Variants in LAMA2 observed in about 807,000 individuals in gnomAD.
The protein encoded by LAMA2 is laminin subunit alpha-2.
A neutral mutation model predicts 364.8 loss-of-function variants in LAMA2; 269 were observed. That is an observed-to-expected ratio of 0.74 (90% confidence interval 0.67 to 0.82). LAMA2 has a LOEUF of 0.82. Ranked by LOEUF, LAMA2 falls within the 40% of genes least tolerant of loss-of-function variation. The pLI is 0.00. For synonymous variants in LAMA2, 1,379 were observed against 1,370.6 expected (o/e 1.01, Z -0.14); for missense variants, 3,807 against 3,873.2 (o/e 0.98, Z 0.45).
chr6:129,162,927 T>C (rs1779526529), intron 8 of LAMA2, among the ~76,000 whole-genome samples: 1 of 150,932 alleles, frequency 6.6e-6, no homozygotes, highest in Non-Finnish European at 1.5e-5. Flanking sequence ...ATGAAGAGAG[T>C]CTTTATATGG....
chr6:129,408,949 T>G (rs1440771710), intron 40 of LAMA2, among the ~76,000 whole-genome samples: 4 of 152,152 alleles, frequency 2.6e-5, no homozygotes, highest in Non-Finnish European at 5.9e-5. Flanking sequence ...ATCTTCACAG[T>G]TTTTGACCAC....
chr6:129,371,661 C>T (rs1778090729), intron 34 of LAMA2, among the ~76,000 whole-genome samples: 1 of 146,590 alleles, frequency 6.8e-6, no homozygotes, highest in South Asian at 2.2e-4. Flanking sequence ...GGCTGGAGTG[C>T]AGTGGTGCGA....
intron 1 of LAMA2, among the ~76,000 whole-genome samples, chr6:128,947,307 G>A (rs1253532248): frequency 6.6e-6 from 1 of 152,104 alleles, no homozygotes; most frequent in Non-Finnish European, 1.5e-5. Context: ...AACGTTTTCC[G>A]TTTTTAAGAC....
rs150222048 is a variant in LAMA2 at position 129,140,250 on chromosome 6, T to C, written c.640-3651T>C. 3.2e-3 allele frequency among the ~76,000 whole-genome samples: 489 copies of C among 152,246 alleles called. 2 individuals carry two copies. Among genetic ancestry groups the C allele is most frequent in the African/African-American group, 0.011 (467 of 41,564 alleles). On this transcript the variant is annotated intron_variant, in intron 4 of 64. Transcript: ENST00000421865. Reference sequence around the variant, plus strand: ...TAATCTGTAAAGCAAACATGATTTATATAGTATGCTTACATTAGTAAATCA... The same window carrying C: ...TAATCTGTAAAGCAAACATGATTTACATAGTATGCTTACATTAGTAAATCA...
intron 32 of LAMA2, among the ~76,000 whole-genome samples, chr6:129,360,291 T>C (rs538040949): frequency 6.6e-5 from 10 of 152,192 alleles, no homozygotes; most frequent in Non-Finnish European, 1.5e-4. Context: ...TTCCCTATGA[T>C]AGTAAATTAC....
At chr6:128,929,415 CT>C in intron 1 of LAMA2, 1 of 868,464 alleles carries the variant, frequency 1.2e-6, no homozygotes, top group Non-Finnish European at 2.0e-6. Context: ...ACACCTCCAT[CT>C]TTGAGTAGCT....
intron 20 of LAMA2, among the ~76,000 whole-genome samples, chr6:129,296,027 A>G (rs1773160144): frequency 6.6e-6 from 1 of 151,814 alleles, no homozygotes. Flanking sequence ...ATATAGTTTC[A>G]TATTTTTGTT....
chr6:129,280,288 G>A (rs1788633696), intron 18 of LAMA2, 141 bp downstream of exon 18: 3 of 680,346 alleles, frequency 4.4e-6, no homozygotes, highest in Admixed American at 2.3e-5. Context: ...CAACGCACTT[G>A]TCAAACAAAT....
intron 4 of LAMA2, among the ~76,000 whole-genome samples, chr6:129,131,058 A>G (rs1562263319): frequency 6.6e-6 from 1 of 152,242 alleles, no homozygotes; most frequent in Non-Finnish European, 1.5e-5. Context: ...AACAGTGCCT[A>G]AACAACCTAT....
chr6:128,898,338 C>G (rs1037856745), intron 1 of LAMA2, among the ~76,000 whole-genome samples: 22 of 152,154 alleles, frequency 1.4e-4, no homozygotes, highest in Admixed American at 1.0e-3. Flanking sequence ...GAACATTTGC[C>G]AGGATTGAAC....
intron 12 of LAMA2, among the ~76,000 whole-genome samples, chr6:129,244,951 C>T (rs897539063): frequency 3.3e-5 from 5 of 152,094 alleles, no homozygotes; most frequent in Non-Finnish European, 7.4e-5. Context: ...TGGTTTTTCC[C>T]CCTGAAGGTA....
chr6:129,099,114 G>GGTT (rs1554217790), intron 4 of LAMA2, among the ~76,000 whole-genome samples: 1 of 109,386 alleles, frequency 9.1e-6, no homozygotes, highest in Non-Finnish European at 1.9e-5. Flanking sequence ...GGGCGGGGAG[G>GGTT]TTTTTTTTTT....
At chr6:129,191,667 T>C (rs1428631146) in intron 11 of LAMA2, among the ~76,000 whole-genome samples, 1 of 152,248 alleles carries the variant, frequency 6.6e-6, no homozygotes, top group African/African-American at 2.4e-5. Context: ...TTGTACCTGG[T>C]TTCTATTTCT....
chr6:129,480,743 C>T (rs1012781762), intron 54 of LAMA2, among the ~76,000 whole-genome samples: 5 of 151,994 alleles, frequency 3.3e-5, no homozygotes, highest in Non-Finnish European at 5.9e-5. Flanking sequence ...CTAGACTATG[C>T]GATGTTTGTT....
At chr6:129,091,747 C>G (rs1375717063) in intron 3 of LAMA2, among the ~76,000 whole-genome samples, 2 of 152,136 alleles carry the variant, frequency 1.3e-5, no homozygotes, top group Non-Finnish European at 2.9e-5. Flanking sequence ...TAAATGTAAA[C>G]TTATAAGGGG....
chr6:129,423,956 G>A (rs949910654), intron 40 of LAMA2, among the ~76,000 whole-genome samples: 16 of 151,984 alleles, frequency 1.1e-4, no homozygotes, highest in African/African-American at 3.9e-4. Context: ...TGTTGGAAAG[G>A]TTATACTACC....
chr6:129,304,031 G>A (rs1244001540), intron 22 of LAMA2, among the ~76,000 whole-genome samples: 1 of 152,082 alleles, frequency 6.6e-6, no homozygotes, highest in Non-Finnish European at 1.5e-5. Context: ...GAAAAGATCA[G>A]TAAAGTTGGT....
intron 47 of LAMA2, among the ~76,000 whole-genome samples, chr6:129,455,721 A>G (rs866836610): frequency 9.2e-5 from 14 of 152,204 alleles, no homozygotes; most frequent in African/African-American, 3.4e-4. Flanking sequence ...ATGAACTTCT[A>G]TGCAATTTGT....
intron 12 of LAMA2, among the ~76,000 whole-genome samples, chr6:129,227,558 C>T (rs1434583956): frequency 6.6e-6 from 1 of 152,204 alleles, no homozygotes; most frequent in Non-Finnish European, 1.5e-5. Context: ...TCAGGACCCT[C>T]AGCTGCAGGT....
Sources: allele counts gnomAD v4.1 joint callset (sites outside exome capture counted in the v4.1 genomes callset), GRCh38; gene constraint gnomAD v4.1.1; transcripts MANE v1.5; gene names NCBI Gene and HGNC (gene_info 2026-07-23, HGNC 2026-07-21).